Variants in CD109 observed in about 807,000 individuals in gnomAD.
CD109 encodes the protein CD109 antigen.
A neutral mutation model predicts 165.8 loss-of-function variants in CD109; 149 were observed. That is an observed-to-expected ratio of 0.90 (90% CI 0.79 to 1.03). The LOEUF (loss-of-function observed/expected upper bound fraction) is 1.03, where lower values mean the gene tolerates loss of function less well. CD109 is among the 50% of genes least tolerant of loss of function. The probability of loss-of-function intolerance (pLI) is 0.00; values close to 1 mark genes in which losing one functional copy is unlikely to be tolerated. For synonymous variants in CD109, 585 were observed against 592.1 expected (o/e 0.99, Z 0.18); for missense variants, 1,712 against 1,677.8 (o/e 1.02, Z -0.36).
intron 30 of CD109, among the ~76,000 whole-genome samples, chr6:73,815,495 A>T (rs977182238): frequency 3.9e-5 from 6 of 152,174 alleles, no homozygotes; most frequent in African/African-American, 7.2e-5. Flanking sequence ...TCGGGTTCAT[A>T]TTGAACCTTA....
At chr6:73,747,956 A>C (rs1582096707) in intron 5 of CD109, among the ~76,000 whole-genome samples, 1 of 145,890 alleles carries the variant, frequency 6.9e-6, no homozygotes. Flanking sequence ...TGCAACCTCC[A>C]CCTCCCGAGT....
At chr6:73,751,024 G>C (rs1195280163) in intron 5 of CD109, among the ~76,000 whole-genome samples, 1 of 152,088 alleles carries the variant, frequency 6.6e-6, no homozygotes, top group African/African-American at 2.4e-5. Context: ...CTCCAGCTCG[G>C]GTCTTCTTTG....
rs368503067 is a variant in CD109 at position 73,762,773 on chromosome 6, T to A, written c.888T>A (p.Asp296Glu). ...INGSANFSFN[D>E]EEMKNVMDSS... ...GATCTGCAAACTTCTCTTTTAATGA[T>A]GAAGAGATGAAAAATGTAATGGATT... Residue 296 changes from aspartate to glutamate, a missense_variant, in exon 9 of 33, where the codon GAT becomes GAA. Transcript: ENST00000287097. The A allele has an allele frequency of 1.6e-4, 258 of 1,607,538 alleles. No homozygotes were observed. Among genetic ancestry groups the A allele is most frequent in the Non-Finnish European group, 2.2e-4 (255 of 1,174,746 alleles).
At chr6:73,780,887 C>T (rs1488862520) in intron 16 of CD109, among the ~76,000 whole-genome samples, 1 of 136,682 alleles carries the variant, frequency 7.3e-6, no homozygotes, top group East Asian at 2.1e-4. Context: ...TGAAATGGCT[C>T]TTATGCATGA....
rs895277537 is a variant in CD109 at position 73,827,347 on chromosome 6, G to A, written c.*3714G>A. The A allele has an allele frequency of 6.6e-6, 1 of 151,556 alleles. No homozygotes were observed. The highest frequency in any genetic ancestry group is 1.5e-5 in the Non-Finnish European group (1 of 67,926). The allele number at this position is 151,556 out of a possible 1,614,324, so 9.4% of individuals were successfully genotyped here. A position where few individuals can be genotyped will look rare whatever the true frequency, so the allele number is the denominator to read the frequency against. ...ATAGATGAGTTTCAGAACCTTTTAC[G>A]TTCTCGGTAGAGGCTTCTGTCGGAC... On this transcript the variant is annotated 3_prime_UTR_variant, in exon 33 of 33. Coordinates refer to ENST00000287097, the MANE Select transcript of CD109 (RefSeq NM_133493.5).
chr6:73,710,343 T>A (rs1039907807), intron 2 of CD109, among the ~76,000 whole-genome samples: 5 of 152,106 alleles, frequency 3.3e-5, no homozygotes, highest in Non-Finnish European at 5.9e-5. Flanking sequence ...CCATTCACAA[T>A]TGCTTCAAAG....
rs1477289005 is a variant in CD109, at chr6:73,756,626, T to C, written c.634-17T>C. The C allele has an allele frequency of 6.6e-7, 1 of 1,523,682 alleles. No individual in the cohort carries two copies. The highest frequency in any genetic ancestry group is 1.3e-5 in the South Asian group (1 of 78,178). The allele number at this position is 1,523,682 out of a possible 1,614,324, so 94.4% of individuals were successfully genotyped here. A position where few individuals can be genotyped will look rare whatever the true frequency, so the allele number is the denominator to read the frequency against. On this transcript the variant is annotated splice_polypyrimidine_tract_variant and intron_variant, in intron 5 of 32. Transcript: ENST00000287097. ...CTCATATACTTTCCTGTCTTTTTTT[T>C]CTCCCCTGCCCAATAGGACCAGACA...
intron 14 of CD109, among the ~76,000 whole-genome samples, chr6:73,768,751 C>T (rs928545926): frequency 6.6e-6 from 1 of 152,138 alleles, no homozygotes; most frequent in African/African-American, 2.4e-5. Flanking sequence ...TGCACCAGTG[C>T]CTTTTATAGC....
At chr6:73,814,516 A>G (rs1324338071) in intron 29 of CD109, among the ~76,000 whole-genome samples, 1 of 152,194 alleles carries the variant, frequency 6.6e-6, no homozygotes, top group Non-Finnish European at 1.5e-5. Context: ...CAAACATTGT[A>G]TGAACAAAAA....
At chr6:73,801,311 G>T (rs919321301) in intron 23 of CD109, among the ~76,000 whole-genome samples, 3 of 152,222 alleles carry the variant, frequency 2.0e-5, no homozygotes, top group Non-Finnish European at 4.4e-5. Flanking sequence ...GAGGGTCCTT[G>T]TGAGAATTAC....
chr6:73,808,840 G>A (rs1192543150), intron 26 of CD109, among the ~76,000 whole-genome samples: 1 of 144,768 alleles, frequency 6.9e-6, no homozygotes, highest in Non-Finnish European at 1.5e-5. Context: ...GTGTGTGTGT[G>A]TGTGTAAGAA....
intron 14 of CD109, among the ~76,000 whole-genome samples, chr6:73,770,615 G>A (rs183506518): frequency 5.3e-5 from 8 of 152,160 alleles, no homozygotes; most frequent in African/African-American, 1.4e-4. Context: ...GGGCATGGTG[G>A]TGGGCGCCTG....
At chr6:73,776,372 C>T (rs1774242277) in intron 15 of CD109, among the ~76,000 whole-genome samples, 1 of 151,948 alleles carries the variant, frequency 6.6e-6, no homozygotes, top group Non-Finnish European at 1.5e-5. Context: ...CCTGCCTCAG[C>T]CTCCCGAGTA....
At chr6:73,818,831 C>T (rs1407704405) in intron 31 of CD109, among the ~76,000 whole-genome samples, 1 of 152,110 alleles carries the variant, frequency 6.6e-6, no homozygotes, top group Non-Finnish European at 1.5e-5. Context: ...AAAAATTCAA[C>T]CCAGATCTGA....
At chr6:73,726,377 C>G (rs1772144283) in intron 3 of CD109, among the ~76,000 whole-genome samples, 1 of 152,064 alleles carries the variant, frequency 6.6e-6, no homozygotes, top group Non-Finnish European at 1.5e-5. Flanking sequence ...CTTTTGTTCT[C>G]TTTGTCAAAT....
intron 28 of CD109, among the ~76,000 whole-genome samples, chr6:73,811,627 A>G (rs569374393): frequency 7.2e-5 from 11 of 152,246 alleles, no homozygotes; most frequent in Middle Eastern, 6.8e-3. Context: ...GCTGCTCCAC[A>G]TGTCTTCTTA....
chr6:73,711,820 AGCCACCGCGCCCGGC>A lies in CD109; in HGVS notation c.248-11430_248-11416del, dbSNP rs1408015675. On this transcript the variant is annotated intron_variant, in intron 2 of 32. Transcript: ENST00000287097. ...CCAAAGTGCTGGGATTACAGGCGTGAGCCACCGCGCCCGGCCTAAGTTTTTAAAATATTTTATTTT... is the reference window on the plus strand; with the variant it reads ...CCAAAGTGCTGGGATTACAGGCGTGACTAAGTTTTTAAAATATTTTATTTT... Among the ~76,000 whole-genome samples, 4 of 15,240 alleles carry A rather than the reference AGCCACCGCGCCCGGC, an allele frequency of 2.6e-4. 1 individual carries two copies. The highest frequency in any genetic ancestry group is 7.1e-4 in the East Asian group (1 of 1,406). The allele number at this position is 15,240 out of a possible 152,430, so 10.0% of individuals were successfully genotyped here.
intron 7 of CD109, among the ~76,000 whole-genome samples, chr6:73,761,252 G>T (rs1268110901): frequency 2.0e-5 from 3 of 152,142 alleles, no homozygotes. Flanking sequence ...TGCACTATCA[G>T]CTGACATTTA....
At chr6:73,752,861 C>T (rs980368096) in intron 5 of CD109, among the ~76,000 whole-genome samples, 3 of 152,056 alleles carry the variant, frequency 2.0e-5, no homozygotes, top group Non-Finnish European at 4.4e-5. Context: ...CACAAATACT[C>T]ATTTTGAAGC....
Sources: allele counts gnomAD v4.1 joint callset (sites outside exome capture counted in the v4.1 genomes callset), GRCh38; gene constraint gnomAD v4.1.1; transcripts MANE v1.5; gene names NCBI Gene and HGNC (gene_info 2026-07-23, HGNC 2026-07-21).